Variants in MAST4 observed in about 807,000 individuals in gnomAD.
MAST4 encodes microtubule associated serine/threonine kinase family member 4.
In MAST4, 89 loss-of-function variants were observed where a neutral mutation model predicts 162.7. The ratio of observed to expected loss-of-function variants is 0.55; its 90% CI spans 0.46 to 0.65. The LOEUF (loss-of-function observed/expected upper bound fraction) is 0.65. MAST4 is among the 30% of genes least tolerant of loss of function. The probability of loss-of-function intolerance (pLI) is 0.00; values close to 1 mark genes in which losing one functional copy is unlikely to be tolerated. For missense variants in MAST4, 3,153 were observed against 3,374.0 expected (o/e 0.93, Z 1.62); for synonymous variants, 1,479 against 1,361.1 (o/e 1.09, Z -1.91).
intron 1 of MAST4, among the ~76,000 whole-genome samples, chr5:66,620,242 A>G (rs1021224173): frequency 3.9e-4 from 59 of 152,272 alleles, no homozygotes; most frequent in African/African-American, 1.4e-3. Context: ...CAAAGCAATT[A>G]TATTGTATTG....
In MAST4 at chr5:66,967,719, A is replaced by G. The variant is rs533539218; in HGVS notation, c.674+67737A>G. On this transcript the variant is annotated intron_variant, in intron 4 of 28. Coordinates refer to ENST00000403625, the MANE Select transcript of MAST4 (RefSeq NM_001164664.2). ...AAAAAAAAGAAAAACATCTTCCATCAGGGCTGGAGAAATAGGCAAAATACA... is the reference window on the plus strand; with the variant it reads ...AAAAAAAAGAAAAACATCTTCCATCGGGGCTGGAGAAATAGGCAAAATACA... Among the ~76,000 whole-genome samples, 18 of 151,458 alleles carry G rather than the reference A, an allele frequency of 1.2e-4. No individual in the cohort carries two copies. The East Asian group carries it at 3.5e-3, about 29-fold the overall frequency.
intron 3 of MAST4, among the ~76,000 whole-genome samples, chr5:66,861,340 T>G (rs1342872968): frequency 6.6e-6 from 1 of 152,234 alleles, no homozygotes; most frequent in African/African-American, 2.4e-5. Context: ...AGAGCCTTCT[T>G]TGTGCCACTA....
At chr5:66,899,053 A>G (rs1762852605) in intron 3 of MAST4, among the ~76,000 whole-genome samples, 1 of 152,244 alleles carries the variant, frequency 6.6e-6, no homozygotes, top group Admixed American at 6.5e-5. Context: ...AATTATGGGC[A>G]TGAATAACCA....
At chr5:67,087,412 C>G (rs957038337) in intron 5 of MAST4, among the ~76,000 whole-genome samples, 1 of 152,202 alleles carries the variant, frequency 6.6e-6, no homozygotes, top group African/African-American at 2.4e-5. Flanking sequence ...CAGCATCTCT[C>G]TCTTGCCTCC....
intron 1 of MAST4, among the ~76,000 whole-genome samples, chr5:66,733,335 G>T (rs1356532264): frequency 8.8e-6 from 1 of 113,274 alleles, no homozygotes. Context: ...CACATGCACA[G>T]AGTTTTCTAA....
rs770505582 is a variant in MAST4 at position 67,149,474 on chromosome 5, T to C, written c.3180T>C (p.Ser1060=). ...CAGATAATTCCTCAAAGCCATCCAGTGAACCCGCTTCTCACATGGCTCGGC... is the reference window on the plus strand; with the variant it reads ...CAGATAATTCCTCAAAGCCATCCAGCGAACCCGCTTCTCACATGGCTCGGC... ...DSTDNSSKPS[S]EPASHMARQR... is the part of the protein sequence containing the mutation. Residue 1060 remains serine, a synonymous_variant, in exon 24 of 29, where the codon AGT becomes AGC. Transcript: ENST00000403625. 7.4e-6 allele frequency: 12 copies of C among 1,613,586 alleles called. No homozygotes were observed. The highest frequency in any genetic ancestry group is 3.3e-5 in the Admixed American group (2 of 59,956).
chr5:67,110,667 A>G (rs772134124), intron 11 of MAST4, among the ~76,000 whole-genome samples: 23 of 152,240 alleles, frequency 1.5e-4, no homozygotes, highest in Non-Finnish European at 2.4e-4. Context: ...GGGAAAATAC[A>G]GTAGAGCCTC....
At chr5:66,876,184 A>G (rs191464177) in intron 3 of MAST4, among the ~76,000 whole-genome samples, 210 of 152,360 alleles carry the variant, frequency 1.4e-3, no homozygotes, top group African/African-American at 4.9e-3. Flanking sequence ...TTAACTGGCA[A>G]AAATAAGTAA....
chr5:67,058,229 A>G (rs950566090), intron 5 of MAST4, among the ~76,000 whole-genome samples: 5 of 152,202 alleles, frequency 3.3e-5, no homozygotes, highest in Admixed American at 2.6e-4. Flanking sequence ...AGATAGTATC[A>G]TTCACCTAGC....
At chr5:67,032,949 A>T (rs1043905461) in intron 4 of MAST4, among the ~76,000 whole-genome samples, 2 of 152,198 alleles carry the variant, frequency 1.3e-5, no homozygotes, top group Non-Finnish European at 2.9e-5. Flanking sequence ...ATATGTATAC[A>T]GGTGAATTTC....
intron 3 of MAST4, among the ~76,000 whole-genome samples, chr5:66,879,480 G>A (rs1422390759): frequency 6.6e-6 from 1 of 151,756 alleles, no homozygotes; most frequent in African/African-American, 2.4e-5. Context: ...TTGCAGCTAT[G>A]CTTTCTGGGA....
chr5:66,966,426 A>G (rs1160456344), intron 4 of MAST4, among the ~76,000 whole-genome samples: 1 of 152,262 alleles, frequency 6.6e-6, no homozygotes, highest in Non-Finnish European at 1.5e-5. Flanking sequence ...CACCAAATAA[A>G]TATACAATGG....
At chr5:67,152,012 C>G (rs1331198266) in intron 24 of MAST4, among the ~76,000 whole-genome samples, 1 of 152,176 alleles carries the variant, frequency 6.6e-6, no homozygotes. Context: ...AAGCGACCAG[C>G]CTACCTTGGC....
intron 4 of MAST4, among the ~76,000 whole-genome samples, chr5:66,997,740 A>G (rs1300438279): frequency 1.3e-5 from 2 of 152,090 alleles, no homozygotes; most frequent in African/African-American, 4.8e-5. Flanking sequence ...TTGATGTTTT[A>G]ATTACATTTT....
At chr5:66,888,642 T>G (rs957060379) in intron 3 of MAST4, among the ~76,000 whole-genome samples, 3 of 152,230 alleles carry the variant, frequency 2.0e-5, no homozygotes, top group Non-Finnish European at 2.9e-5. Flanking sequence ...AGAATATTGA[T>G]TCTTCAAATT....
chr5:67,133,078 T>C (rs2151000402), intron 16 of MAST4, among the ~76,000 whole-genome samples: 1 of 152,100 alleles, frequency 6.6e-6, no homozygotes, highest in East Asian at 1.9e-4. Context: ...GAGATGGGAG[T>C]TGAAATCTGA....
At chr5:67,034,465 C>A (rs532851623) in intron 4 of MAST4, among the ~76,000 whole-genome samples, 14 of 152,254 alleles carry the variant, frequency 9.2e-5, no homozygotes, top group Non-Finnish European at 1.9e-4. Context: ...AGATTCCTAA[C>A]TTATGTGTTT....
At chr5:67,101,141 C>T (rs1764981972) in intron 8 of MAST4, among the ~76,000 whole-genome samples, 1 of 152,140 alleles carries the variant, frequency 6.6e-6, no homozygotes, top group African/African-American at 2.4e-5. Flanking sequence ...CCTCAGGAAG[C>T]AGAATCTAAA....
intron 1 of MAST4, among the ~76,000 whole-genome samples, chr5:66,631,801 G>C (rs1744813978): frequency 1.3e-5 from 2 of 152,088 alleles, no homozygotes; most frequent in Non-Finnish European, 2.9e-5. Context: ...TTTAATTCTT[G>C]AAAGAAACCT....
Sources: gnomAD v4.1 joint callset for allele counts (sites outside exome capture counted in the v4.1 genomes callset) on GRCh38, gnomAD v4.1.1 for gene constraint, MANE v1.5 for transcripts, NCBI Gene and HGNC (gene_info 2026-07-23, HGNC 2026-07-21) for gene names.